DGKB: variants seen among roughly 807,000 people sequenced by gnomAD.
DGKB encodes diacylglycerol kinase beta, also known as 90 kDa diacylglycerol kinase.
DGKB carries 67 observed loss-of-function variants against 114.3 expected under a neutral mutation model. That is an observed-to-expected ratio of 0.59 (90% CI 0.48 to 0.72). The LOEUF (loss-of-function observed/expected upper bound fraction) is 0.72, where lower values mean the gene tolerates loss of function less well. Among genes scored for constraint, DGKB ranks in the 30% least tolerant of loss-of-function variants. The probability of loss-of-function intolerance (pLI) is 0.00; values close to 1 mark genes in which losing one functional copy is unlikely to be tolerated. For synonymous variants in DGKB, 398 were observed against 323.1 expected, an observed-to-expected ratio of 1.23 and a Z score of -2.49; for missense variants, 907 against 975.2, an observed-to-expected ratio of 0.93 and a Z score of 0.93.
At chr7:14,478,825 A>C (rs1016574287) in intron 20 of DGKB, among the ~76,000 whole-genome samples, 5 of 151,906 alleles carry the variant, frequency 3.3e-5, no homozygotes, top group Non-Finnish European at 7.4e-5. Flanking sequence ...AACAACAAAG[A>C]GAAACATTTA....
chr7:14,564,662 T>C (rs144880565), intron 20 of DGKB, among the ~76,000 whole-genome samples: 10 of 152,206 alleles, frequency 6.6e-5, no homozygotes, highest in Admixed American at 2.6e-4. Context: ...TCTTTATAGA[T>C]GCATCTTCAC....
chr7:14,297,978 C>T (rs992047792), intron 23 of DGKB, among the ~76,000 whole-genome samples: 6 of 152,122 alleles, frequency 3.9e-5, no homozygotes, highest in African/African-American at 1.4e-4. Flanking sequence ...GAATAAAATA[C>T]CTAGGAATAC....
intron 21 of DGKB, among the ~76,000 whole-genome samples, chr7:14,379,568 A>T (rs573444468): frequency 4.6e-4 from 69 of 150,986 alleles, no homozygotes; most frequent in African/African-American, 1.5e-3. Context: ...TTTATTTTTT[A>T]TTGTTTTTTG....
At chr7:14,739,136 A>G (rs2128407272) in intron 4 of DGKB, among the ~76,000 whole-genome samples, 1 of 152,338 alleles carries the variant, frequency 6.6e-6, no homozygotes, top group Non-Finnish European at 1.5e-5. Context: ...AACCAACCAA[A>G]AGGAAAAATG....
At chr7:14,603,852 A>C (rs2128770724) in intron 17 of DGKB, among the ~76,000 whole-genome samples, 1 of 152,258 alleles carries the variant, frequency 6.6e-6, no homozygotes, top group Non-Finnish European at 1.5e-5. Context: ...TTTTAGAAAT[A>C]ATGTGAGAAT....
chr7:14,238,714 A>G (rs957138196), intron 23 of DGKB, among the ~76,000 whole-genome samples: 1 of 151,884 alleles, frequency 6.6e-6, no homozygotes, highest in African/African-American at 2.4e-5. Context: ...GTTACAGGCA[A>G]TCCTCTCTAT....
At chr7:14,379,432 C>G (rs999313290) in intron 21 of DGKB, among the ~76,000 whole-genome samples, 15 of 141,410 alleles carry the variant, frequency 1.1e-4, no homozygotes, top group African/African-American at 3.8e-4. Context: ...CTTTCTGTTT[C>G]TTGCTAGTTA....
intron 15 of DGKB, among the ~76,000 whole-genome samples, chr7:14,620,756 C>T (rs1358368164): frequency 6.6e-6 from 1 of 151,588 alleles, no homozygotes; most frequent in African/African-American, 2.4e-5. Context: ...TCTTAAAATG[C>T]TATTCTTGAT....
intron 21 of DGKB, among the ~76,000 whole-genome samples, chr7:14,423,359 T>C (rs1436246697): frequency 2.6e-5 from 4 of 152,078 alleles, no homozygotes; most frequent in African/African-American, 7.2e-5. Flanking sequence ...GTGTTATTTA[T>C]CTTTGAAGTT....
At chr7:14,401,556 G>A (rs1188754680) in intron 21 of DGKB, among the ~76,000 whole-genome samples, 2 of 151,846 alleles carry the variant, frequency 1.3e-5, no homozygotes, top group African/African-American at 4.8e-5. Context: ...CTGGCTGACA[G>A]GAATAGTGGG....
intron 20 of DGKB, among the ~76,000 whole-genome samples, chr7:14,571,694 C>T (rs1421084756): frequency 1.3e-5 from 2 of 152,100 alleles, no homozygotes; most frequent in Non-Finnish European, 2.9e-5. Context: ...AAAGAAAGGC[C>T]AGATTATATT....
chr7:14,393,002 T>TG (rs202247058), intron 21 of DGKB, among the ~76,000 whole-genome samples: 1 of 107,252 alleles, frequency 9.3e-6, no homozygotes, highest in African/African-American at 3.1e-5. Context: ...TTTGTTTTTT[T>TG]TTTTTTGAGA....
rs939767617 is a variant in DGKB, at chr7:14,223,264, T to A, written c.2123-45113A>T. 5.3e-5 allele frequency among the ~76,000 whole-genome samples: 8 copies of A among 151,682 alleles called. No individual in the cohort carries two copies. In the South Asian group the frequency reaches 1.5e-3, roughly 28 times the overall value. Reference sequence around the variant, plus strand: ...TTTCAAATGCAGAATTTATCTTACTTTAATGATCTTTTTACTATCTCTTCT... The same window carrying A: ...TTTCAAATGCAGAATTTATCTTACTATAATGATCTTTTTACTATCTCTTCT... On this transcript the variant is annotated intron_variant, in intron 23 of 25. Coordinates refer to ENST00000402815, the MANE Select transcript of DGKB (RefSeq NM_001350709.2).
At chr7:14,152,315 A>ACCTTGTT (rs1465657035) in intron 25 of DGKB, among the ~76,000 whole-genome samples, 1 of 152,054 alleles carries the variant, frequency 6.6e-6, no homozygotes, top group Non-Finnish European at 1.5e-5. Flanking sequence ...CTGGCTGTGA[A>ACCTTGTT]CAAGGCATTT....
At chr7:14,693,539 C>G (rs1223820247) in intron 9 of DGKB, among the ~76,000 whole-genome samples, 4 of 151,234 alleles carry the variant, frequency 2.6e-5, no homozygotes, top group East Asian at 3.9e-4. Flanking sequence ...GAAAAACTTA[C>G]GTTTATTTAA....
At chr7:14,454,841 A>C (rs531546027) in intron 21 of DGKB, among the ~76,000 whole-genome samples, 1 of 152,196 alleles carries the variant, frequency 6.6e-6, no homozygotes, top group African/African-American at 2.4e-5. Flanking sequence ...AGCTAACATG[A>C]CATGTATTAT....
chr7:14,742,156 T>C (rs148585724), intron 4 of DGKB, among the ~76,000 whole-genome samples: 1 of 152,310 alleles, frequency 6.6e-6, no homozygotes, highest in South Asian at 2.1e-4. Flanking sequence ...TAGAGGCAGA[T>C]AGATCCCTTT....
chr7:14,156,289 A>G (rs1261796349), intron 25 of DGKB, among the ~76,000 whole-genome samples: 2 of 152,148 alleles, frequency 1.3e-5, no homozygotes, highest in African/African-American at 4.8e-5. Flanking sequence ...GAATTATTAT[A>G]TTAGAGAGTG....
intron 23 of DGKB, among the ~76,000 whole-genome samples, chr7:14,204,502 C>A (rs771113213): frequency 1.3e-5 from 2 of 151,986 alleles, no homozygotes; most frequent in Non-Finnish European, 2.9e-5. Flanking sequence ...TTAGATGAGA[C>A]CACCTCTCTA....
Sources: gnomAD v4.1 joint callset for allele counts (sites outside exome capture counted in the v4.1 genomes callset) on GRCh38, gnomAD v4.1.1 for gene constraint, MANE v1.5 for transcripts, NCBI Gene and HGNC (gene_info 2026-07-23, HGNC 2026-07-21) for gene names.